AGAP1: variants seen among roughly 807,000 people sequenced by gnomAD.
AGAP1 encodes ArfGAP with GTPase domain, ankyrin repeat and PH domain 1.
Under a neutral mutation model 105.3 loss-of-function variants are expected in AGAP1, and 29 were observed. The ratio of observed to expected loss-of-function variants is 0.28; its 90% CI spans 0.21 to 0.38. AGAP1 has a LOEUF of 0.38. Among genes scored for constraint, AGAP1 ranks in the 10% least tolerant of loss-of-function variants. The pLI is 1.00. For missense variants in AGAP1, 998 were observed against 1,165.1 expected (o/e 0.86, Z 2.09); for synonymous variants, 509 against 485.9 (o/e 1.05, Z -0.63).
At chr2:235,670,563 TCAGGCACTG>T in intron 1 of AGAP1, 1 of 496,898 alleles carries the variant, frequency 2.0e-6, no homozygotes, top group Non-Finnish European at 3.5e-6. Context: ...AGCCTGAGCT[TCAGGCACTG>T]GAGCGGGCCT....
chr2:235,607,342 A>G (rs1203881392), intron 1 of AGAP1, among the ~76,000 whole-genome samples: 1 of 152,228 alleles, frequency 6.6e-6, no homozygotes, highest in Non-Finnish European at 1.5e-5. Context: ...ATGTACTTGG[A>G]TCAAACTTTA....
chr2:236,103,572 C>CT (rs933809122), intron 16 of AGAP1, among the ~76,000 whole-genome samples: 3 of 140,664 alleles, frequency 2.1e-5, no homozygotes, highest in Admixed American at 7.1e-5. Context: ...TTCTTTTCTT[C>CT]TTTTTTTTCC....
intron 13 of AGAP1, among the ~76,000 whole-genome samples, chr2:235,978,074 T>A (rs1336989733): frequency 1.3e-5 from 2 of 152,116 alleles, no homozygotes; most frequent in Non-Finnish European, 2.9e-5. Context: ...CTTTTTCTTA[T>A]AAGAACACCC....
In AGAP1 at chr2:235,927,592, C is replaced by T. The variant is rs1488425071; in HGVS notation, c.1325-3173C>T. The stretch of plus-strand genomic sequence containing the variant: ...TCTTGATCAGCAACCTCCATTGGAA[C>T]ATTTCGTGGTCCCTTGTCTGGGGTT... On this transcript the variant is annotated intron_variant, in intron 11 of 17. Coordinates refer to ENST00000304032, the MANE Select transcript of AGAP1 (RefSeq NM_001037131.3). This position sits in a 1 kb window ranked among gnomAD's most constrained non-coding sequence, Gnocchi z 4.4. Among the ~76,000 whole-genome samples the T allele has an allele frequency of 1.3e-5, 2 of 152,178 alleles. No individual in the cohort carries two copies. The highest frequency in any genetic ancestry group is 2.9e-5 in the Non-Finnish European group (2 of 68,028).
intron 9 of AGAP1, among the ~76,000 whole-genome samples, chr2:235,826,384 G>A (rs1159678620): frequency 6.6e-6 from 1 of 152,148 alleles, no homozygotes; most frequent in African/African-American, 2.4e-5. Context: ...GCATTTGCAG[G>A]TTCATTCTTT....
chr2:235,764,719 G>T (rs541447402), intron 6 of AGAP1, among the ~76,000 whole-genome samples: 1 of 128,346 alleles, frequency 7.8e-6, no homozygotes, highest in African/African-American at 3.0e-5. Context: ...GGGAGCGCCC[G>T]TGGGGTGGGG....
At position 235,962,493 on chromosome 2, in the gene AGAP1, G is replaced by T. The variant is rs2054234484; in HGVS notation, c.1484-5969G>T. Among the ~76,000 whole-genome samples the T allele has an allele frequency of 6.6e-6, 1 of 152,120 alleles. No individual in the cohort carries two copies. Among genetic ancestry groups the T allele is most frequent in the Non-Finnish European group, 1.5e-5 (1 of 68,018 alleles). On this transcript the variant is annotated intron_variant, in intron 12 of 17. Coordinates refer to ENST00000304032, the MANE Select transcript of AGAP1 (RefSeq NM_001037131.3). The surrounding 1 kb of genome is among the most constrained non-coding windows in gnomAD (Gnocchi z 5.3). ...ATGGCATGGAACTCAGGGCATAGAG[G>T]AGCCACGGGAGTGAAGGCCTAGTGA...
At chr2:236,106,564 G>T (rs2059498906) in intron 16 of AGAP1, among the ~76,000 whole-genome samples, 1 of 152,204 alleles carries the variant, frequency 6.6e-6, no homozygotes, top group South Asian at 2.1e-4. Flanking sequence ...TGGGCTCTGG[G>T]GGCCATGCTG....
At chr2:235,762,463 G>GA (rs1479082877) in intron 6 of AGAP1, among the ~76,000 whole-genome samples, 1 of 152,148 alleles carries the variant, frequency 6.6e-6, no homozygotes, top group African/African-American at 2.4e-5. Context: ...ATTGAATGCA[G>GA]AGCCTCATCG....
intron 1 of AGAP1, 75 bp downstream of exon 1, chr2:235,494,924 G>C (rs1941244164): frequency 1.3e-5 from 19 of 1,408,950 alleles, no homozygotes; most frequent in African/African-American, 3.0e-5. Context: ...CGCTGTGTGC[G>C]TGCGGGTGTC....
At chr2:235,851,205 TGA>T in intron 9 of AGAP1, among the ~76,000 whole-genome samples, 1 of 152,322 alleles carries the variant, frequency 6.6e-6, no homozygotes, top group Non-Finnish European at 1.5e-5. Context: ...CCAGTGGACC[TGA>T]GAGGGCCCTG....
At chr2:235,764,473 C>T (rs181462106) in intron 6 of AGAP1, among the ~76,000 whole-genome samples, 4 of 152,234 alleles carry the variant, frequency 2.6e-5, no homozygotes, top group African/African-American at 4.8e-5. Context: ...ACATCCCCCC[C>T]ACTTTGGTGA....
At chr2:235,707,472 A>ACCCCCCCCCCCCCCCCCCCCC (rs1250772330) in intron 1 of AGAP1, among the ~76,000 whole-genome samples, 2 of 22,408 alleles carry the variant, frequency 8.9e-5, no homozygotes, top group African/African-American at 9.8e-5. Context: ...CCTCCCCATG[A>ACCCCCCCCCCCCCCCCCCCCC]CCCCCCCCCC....
intron 1 of AGAP1, among the ~76,000 whole-genome samples, chr2:235,576,710 C>G (rs1171545377): frequency 1.3e-5 from 2 of 152,250 alleles, no homozygotes; most frequent in Non-Finnish European, 2.9e-5. Context: ...TGGGCCCCCT[C>G]TGAGGGAGGA....
At chr2:235,810,608 C>T (rs564914911) in intron 9 of AGAP1, among the ~76,000 whole-genome samples, 3 of 152,318 alleles carry the variant, frequency 2.0e-5, no homozygotes, top group East Asian at 3.9e-4. Context: ...TCTGATACCT[C>T]GTTCGCTGTA....
At chr2:235,918,138 G>C (rs565156964) in intron 11 of AGAP1, among the ~76,000 whole-genome samples, 1 of 152,194 alleles carries the variant, frequency 6.6e-6, no homozygotes, top group Non-Finnish European at 1.5e-5. Context: ...ACAGATCCTT[G>C]CTTCCCACTC....
intron 13 of AGAP1, among the ~76,000 whole-genome samples, chr2:236,018,754 A>G (rs184128567): frequency 6.6e-6 from 1 of 152,132 alleles, no homozygotes; most frequent in Non-Finnish European, 1.5e-5. Context: ...GTACTGGCCT[A>G]AAGTCCCAAT....
intron 15 of AGAP1, among the ~76,000 whole-genome samples, chr2:236,043,646 G>T (rs192831694): frequency 1.3e-5 from 2 of 151,680 alleles, no homozygotes; most frequent in Non-Finnish European, 2.9e-5. Flanking sequence ...ACTTGAACTC[G>T]AGAGGCGGAG....
intron 13 of AGAP1, among the ~76,000 whole-genome samples, chr2:236,019,218 T>A (rs1451876349): frequency 6.6e-6 from 1 of 152,154 alleles, no homozygotes; most frequent in Non-Finnish European, 1.5e-5. Context: ...GACTCTCAGG[T>A]CCCTGCTGGG....
Sources: allele counts gnomAD v4.1 joint callset (sites outside exome capture counted in the v4.1 genomes callset), GRCh38; gene constraint gnomAD v4.1.1; non-coding constraint Gnocchi (gnomAD v3.1); transcripts MANE v1.5; gene names NCBI Gene and HGNC (gene_info 2026-07-23, HGNC 2026-07-21).